ADAD1: variants seen among roughly 807,000 people sequenced by gnomAD.
The protein encoded by ADAD1 is adenosine deaminase domain containing 1.
ADAD1 carries 46 observed loss-of-function variants against 66.8 expected under a neutral mutation model. The ratio of observed to expected loss-of-function variants is 0.69; its 90% CI spans 0.54 to 0.88. ADAD1 has a LOEUF of 0.88. ADAD1 is among the 40% of genes least tolerant of loss of function. The probability of loss-of-function intolerance (pLI) is 0.00; values close to 1 mark genes in which losing one functional copy is unlikely to be tolerated. For synonymous variants in ADAD1, 248 were observed against 229.4 expected (o/e 1.08, Z -0.73); for missense variants, 617 against 681.8 (o/e 0.91, Z 1.06).
At chr4:122,421,679 A>G (rs1391985209) in intron 12 of ADAD1, among the ~76,000 whole-genome samples, 2 of 152,142 alleles carry the variant, frequency 1.3e-5, no homozygotes, top group Non-Finnish European at 2.9e-5. Flanking sequence ...AAATGTTAAT[A>G]AAATTTATTC....
At chr4:122,396,081 T>G (rs1005772764) in intron 6 of ADAD1, among the ~76,000 whole-genome samples, 171 bp from the exon 7 acceptor site, 1 of 152,222 alleles carries the variant, frequency 6.6e-6, no homozygotes, top group African/African-American at 2.4e-5. Context: ...ATAACTCATA[T>G]TCTTTTAGAA....
At chr4:122,428,761 G>A (rs1273159638) in intron 12 of ADAD1, among the ~76,000 whole-genome samples, 2 of 152,104 alleles carry the variant, frequency 1.3e-5, no homozygotes, top group Admixed American at 1.3e-4. Flanking sequence ...CTGGCACCAG[G>A]ACTGCAGGTG....
intron 7 of ADAD1, among the ~76,000 whole-genome samples, chr4:122,398,492 A>G (rs1051181418): frequency 6.6e-6 from 1 of 152,172 alleles, no homozygotes; most frequent in African/African-American, 2.4e-5. Context: ...GTAGATACCT[A>G]GTAGTGGGAT....
chr4:122,400,767 A>G (rs1795936172), intron 7 of ADAD1, among the ~76,000 whole-genome samples: 1 of 152,022 alleles, frequency 6.6e-6, no homozygotes. Flanking sequence ...CATCTCTTCT[A>G]GATTTTCTAG....
chr4:122,427,249 G>A (rs542594254), intron 12 of ADAD1, among the ~76,000 whole-genome samples: 8 of 152,118 alleles, frequency 5.3e-5, no homozygotes, highest in Admixed American at 1.3e-4. Context: ...GTACATTTGT[G>A]TGTGTGTGTG....
At chr4:122,380,315 C>T (rs1794830876) in intron 3 of ADAD1, 74 bp downstream of exon 3, 1 of 1,510,732 alleles carries the variant, frequency 6.6e-7, no homozygotes, top group Non-Finnish European at 8.9e-7. Context: ...TCTGTCGAGT[C>T]TCTGGTTTAA....
chr4:122,429,168 T>C (rs1165753387), intron 12 of ADAD1, among the ~76,000 whole-genome samples: 1 of 151,072 alleles, frequency 6.6e-6, no homozygotes, highest in Non-Finnish European at 1.5e-5. Flanking sequence ...CCAGGTGTGG[T>C]GGCTCATGCC....
chr4:122,383,672 T>C (rs1018925021), intron 4 of ADAD1, 127 bp from the exon 5 acceptor site: 6 of 1,045,034 alleles, frequency 5.7e-6, no homozygotes, highest in Non-Finnish European at 8.2e-6. Context: ...CAAAAGGACT[T>C]GTAAAGTTGG....
chr4:122,429,650 G>A lies in ADAD1; in HGVS notation c.1642G>A (p.Ala548Thr), dbSNP rs1480526758. 21 of 1,612,762 alleles carry A rather than the reference G, an allele frequency of 1.3e-5. No individual in the cohort carries two copies. Among genetic ancestry groups the A allele is most frequent in the Non-Finnish European group, 1.7e-5 (20 of 1,179,236 alleles). Residue 548 changes from alanine (A) to threonine (T), a missense_variant, in exon 13 of 13, where the codon GCT (alanine) becomes ACT (threonine). Coordinates refer to ENST00000296513, the MANE Select transcript of ADAD1 (RefSeq NM_139243.4). ...GTGTATGTCTGCCTCCTATCAAGAA[G>A]CTAAATGTAAGTTGAAATCCTACTT... Reference protein sequence around the residue: ...AKCMSASYQEAKCKLKSYLQQ... With the variant: ...AKCMSASYQETKCKLKSYLQQ...
At chr4:122,407,806 A>T in intron 7 of ADAD1, 102 bp from the exon 8 acceptor site, 1 of 1,234,066 alleles carries the variant, frequency 8.1e-7, no homozygotes, top group East Asian at 2.6e-5. Flanking sequence ...CTTTTCAGTT[A>T]ATATATTCTA....
At position 122,384,064 on chromosome 4, in the gene ADAD1, A is replaced by G. The variant is rs3736105; in HGVS notation, c.529+98A>G. On this transcript the variant is annotated intron_variant, in intron 5 of 12. Transcript: ENST00000296513. Reference sequence around the variant, plus strand: ...TTAATGAGAGTTACTTGGCAGCTACAAGATAGAAGTTGCAGGATTTGAATA... The same window carrying G: ...TTAATGAGAGTTACTTGGCAGCTACGAGATAGAAGTTGCAGGATTTGAATA... 3.4e-5 allele frequency: 38 copies of G among 1,115,946 alleles called. No homozygotes were observed. The East Asian group carries it at 9.9e-4, about 29-fold the overall frequency. The allele number at this position is 1,115,946 out of a possible 1,614,324, so 69.1% of individuals were successfully genotyped here. A position where few individuals can be genotyped will look rare whatever the true frequency, so the allele number is the denominator to read the frequency against.
At chr4:122,425,250 C>T (rs1222831075) in intron 12 of ADAD1, among the ~76,000 whole-genome samples, 1 of 152,022 alleles carries the variant, frequency 6.6e-6, no homozygotes, top group African/African-American at 2.4e-5. Flanking sequence ...AATATATGTT[C>T]TTTTCAAGCC....
intron 12 of ADAD1, among the ~76,000 whole-genome samples, chr4:122,426,442 T>G (rs1797241170): frequency 6.6e-6 from 1 of 152,176 alleles, no homozygotes; most frequent in African/African-American, 2.4e-5. Flanking sequence ...AAAAGCTCTT[T>G]CAGAAAATGG....
chr4:122,405,217 A>G (rs1796153154), intron 7 of ADAD1, among the ~76,000 whole-genome samples: 1 of 152,222 alleles, frequency 6.6e-6, no homozygotes, highest in South Asian at 2.1e-4. Flanking sequence ...CATGAATAAT[A>G]TATCTTTGCT....
At chr4:122,425,785 C>T (rs78494828) in intron 12 of ADAD1, among the ~76,000 whole-genome samples, 2,647 of 151,958 alleles carry the variant, frequency 0.017, 81 homozygotes, top group African/African-American at 0.061. Context: ...ACTTGAGCAT[C>T]TGCAGATTTC....
At chr4:122,417,463 G>T (rs1321266073) in intron 11 of ADAD1, among the ~76,000 whole-genome samples, 1 of 151,542 alleles carries the variant, frequency 6.6e-6, no homozygotes, top group Non-Finnish European at 1.5e-5. Flanking sequence ...TTATACGGAA[G>T]ACAGAACAGT....
intron 5 of ADAD1, among the ~76,000 whole-genome samples, chr4:122,390,219 A>G (rs1229422936): frequency 6.6e-6 from 1 of 152,186 alleles, no homozygotes; most frequent in Non-Finnish European, 1.5e-5. Flanking sequence ...GTTTCTGCTG[A>G]GAGATCCCCT....
At chr4:122,388,925 A>G (rs1054017763) in intron 5 of ADAD1, among the ~76,000 whole-genome samples, 4 of 151,418 alleles carry the variant, frequency 2.6e-5, no homozygotes, top group African/African-American at 9.7e-5. Flanking sequence ...GGATTAGTTT[A>G]CTCTTGCCTC....
chr4:122,388,137 G>A (rs1055533537), intron 5 of ADAD1, among the ~76,000 whole-genome samples: 10 of 152,154 alleles, frequency 6.6e-5, no homozygotes, highest in African/African-American at 1.9e-4. Context: ...TGTGGTTTTT[G>A]TCTTTGGTTC....
Sources: allele counts gnomAD v4.1 joint callset (sites outside exome capture counted in the v4.1 genomes callset), GRCh38; gene constraint gnomAD v4.1.1; transcripts MANE v1.5; gene names NCBI Gene and HGNC (gene_info 2026-07-23, HGNC 2026-07-21).